RGS5: variants seen among roughly 807,000 people sequenced by gnomAD.
RGS5 encodes regulator of G-protein signalling 5.
Under a neutral mutation model 18.9 loss-of-function variants are expected in RGS5, and 20 were observed. That is an observed-to-expected ratio of 1.06 (90% CI 0.74 to 1.54). RGS5 has a LOEUF of 1.54. Among genes scored for constraint, RGS5 ranks in the 40% most tolerant of loss-of-function variants. The probability of loss-of-function intolerance (pLI) is 0.00; values close to 1 mark genes in which losing one functional copy is unlikely to be tolerated. For synonymous variants in RGS5, 57 were observed against 76.2 expected (o/e 0.75, Z 1.31); for missense variants, 201 against 211.8 (o/e 0.95, Z 0.32).
intron 2 of RGS5, among the ~76,000 whole-genome samples, chr1:163,286,080 C>T (rs778843364): frequency 2.6e-5 from 4 of 151,608 alleles, no homozygotes; most frequent in African/African-American, 7.3e-5. Flanking sequence ...CCATGTGTTC[C>T]GCGTCTGGGG....
At chr1:163,180,183 C>G (rs1658747166) in intron 1 of RGS5, among the ~76,000 whole-genome samples, 1 of 152,154 alleles carries the variant, frequency 6.6e-6, no homozygotes, top group Non-Finnish European at 1.5e-5. Context: ...GCCATGTTGC[C>G]CAGTCTGGTC....
chr1:163,306,970 T>C (rs1649717385), intron 1 of RGS5, among the ~76,000 whole-genome samples: 1 of 152,194 alleles, frequency 6.6e-6, no homozygotes, highest in Non-Finnish European at 1.5e-5. Flanking sequence ...AGCTACCTAG[T>C]TGGTGATACT....
At chr1:163,304,869 TG>T (rs1649654640) in intron 2 of RGS5, 1 of 152,222 alleles carries the variant, frequency 6.6e-6, no homozygotes, top group Non-Finnish European at 1.5e-5. Flanking sequence ...TCTTCAATTG[TG>T]TGTAGCATTT....
At chr1:163,185,112 C>T (rs373070331) in intron 1 of RGS5, among the ~76,000 whole-genome samples, 42 of 152,124 alleles carry the variant, frequency 2.8e-4, no homozygotes, top group African/African-American at 9.4e-4. Context: ...TCTAATCTTC[C>T]TCTCCTGAAC....
At chr1:163,164,309 G>GTA (rs1174015332) in intron 2 of RGS5, among the ~76,000 whole-genome samples, 6 of 152,196 alleles carry the variant, frequency 3.9e-5, no homozygotes, top group Admixed American at 3.9e-4. Flanking sequence ...CAGAGGATGG[G>GTA]TATGGAGTTT....
At chr1:163,172,701 G>C in intron 1 of RGS5, 1 of 1,225,118 alleles carries the variant, frequency 8.2e-7, no homozygotes. Context: ...ATAAAGTTAA[G>C]AGTATTTAAG....
intron 1 of RGS5, among the ~76,000 whole-genome samples, chr1:163,181,836 G>A (rs569763772): frequency 2.0e-5 from 3 of 152,150 alleles, no homozygotes; most frequent in East Asian, 3.9e-4. Context: ...CCACAGCTCC[G>A]CACTGCTTGG....
chr1:163,208,998 T>C (rs548392333), intron 1 of RGS5, among the ~76,000 whole-genome samples: 4 of 152,238 alleles, frequency 2.6e-5, no homozygotes, highest in African/African-American at 9.6e-5. Flanking sequence ...TCTTCTCAAA[T>C]ACCTATGAAA....
intron 1 of RGS5, among the ~76,000 whole-genome samples, chr1:163,199,411 G>T (rs1362040777): frequency 6.6e-6 from 1 of 152,034 alleles, no homozygotes; most frequent in Non-Finnish European, 1.5e-5. Context: ...ATTCAGAAAG[G>T]AATATTTTCT....
At chr1:163,269,784 C>G (rs1365216897) in intron 2 of RGS5, among the ~76,000 whole-genome samples, 1 of 152,064 alleles carries the variant, frequency 6.6e-6, no homozygotes, top group Non-Finnish European at 1.5e-5. Context: ...ATTTGGAAGA[C>G]AAAAGAATAA....
intron 2 of RGS5, among the ~76,000 whole-genome samples, chr1:163,264,319 G>A (rs925680874): frequency 6.6e-6 from 1 of 152,032 alleles, no homozygotes; most frequent in African/African-American, 2.4e-5. Flanking sequence ...TGTTTGTTTG[G>A]CAAGTCCCAA....
chr1:163,294,886 A>C (rs533165341), intron 2 of RGS5, among the ~76,000 whole-genome samples: 2 of 152,218 alleles, frequency 1.3e-5, no homozygotes, highest in South Asian at 4.2e-4. Flanking sequence ...CATCTCTTTC[A>C]AGTTCAAAGT....
intron 2 of RGS5, among the ~76,000 whole-genome samples, chr1:163,264,113 T>C (rs1465763039): frequency 6.6e-6 from 1 of 152,090 alleles, no homozygotes; most frequent in Non-Finnish European, 1.5e-5. Flanking sequence ...ATAAGAGGTC[T>C]TAAATTTCAC....
intron 2 of RGS5, among the ~76,000 whole-genome samples, chr1:163,298,726 T>G (rs955646033): frequency 8.5e-5 from 13 of 152,234 alleles, no homozygotes; most frequent in African/African-American, 3.1e-4. Flanking sequence ...AGGATACCTA[T>G]GACAATTGTG....
chr1:163,163,720 C>G (rs1050126596), intron 2 of RGS5, among the ~76,000 whole-genome samples: 1 of 152,158 alleles, frequency 6.6e-6, no homozygotes, highest in Non-Finnish European at 1.5e-5. Flanking sequence ...ATTTTGCACA[C>G]AATAGACACC....
intron 2 of RGS5, among the ~76,000 whole-genome samples, chr1:163,284,321 T>C (rs1024842734): frequency 2.6e-5 from 4 of 152,206 alleles, no homozygotes; most frequent in South Asian, 2.1e-4. Context: ...CCCTATTTGA[T>C]TCTTTTTCAT....
chr1:163,214,154 A>G (rs2662770), intron 1 of RGS5, among the ~76,000 whole-genome samples: 60,743 of 151,846 alleles, frequency 0.4, 13,138 homozygotes, highest in African/African-American at 0.59. Flanking sequence ...GATTTCTCCA[A>G]TGTATTCTTA....
intron 1 of RGS5, among the ~76,000 whole-genome samples, chr1:163,182,195 A>G (rs1277241212): frequency 1.3e-5 from 2 of 152,168 alleles, no homozygotes; most frequent in African/African-American, 4.8e-5. Context: ...AGAAAGATCT[A>G]TTTGACTAGC....
intron 1 of RGS5, among the ~76,000 whole-genome samples, chr1:163,311,845 C>T (rs1649872351): frequency 1.3e-5 from 2 of 152,274 alleles, no homozygotes; most frequent in East Asian, 1.9e-4. Flanking sequence ...TGAGCACATG[C>T]CACTGTTAAC....
Sources: allele counts gnomAD v4.1 joint callset (sites outside exome capture counted in the v4.1 genomes callset), GRCh38; gene constraint gnomAD v4.1.1; transcripts MANE v1.5; gene names NCBI Gene and HGNC (gene_info 2026-07-23, HGNC 2026-07-21).